The following MED26 variants were observed in gnomAD, a reference collection of about 807,000 sequenced individuals.
MED26 encodes the protein mediator complex subunit 26.
In MED26, 7 loss-of-function variants were observed where a neutral mutation model predicts 43.7. The observed-to-expected ratio is 0.16, with a 90% CI of 0.09 to 0.30. MED26 has a LOEUF of 0.30. Among genes scored for constraint, MED26 ranks in the 10% least tolerant of loss-of-function variants. The pLI, the probability that MED26 is intolerant of heterozygous loss-of-function variation, is 1.00. For missense variants in MED26, 784 were observed against 840.6 expected, an observed-to-expected ratio of 0.93 and a Z score of 0.83; for synonymous variants, 375 against 371.1, an observed-to-expected ratio of 1.01 and a Z score of -0.12.
chr19:16,584,301 C>T (rs73928620), intron 1 of MED26, among the ~76,000 whole-genome samples: 29 of 141,280 alleles, frequency 2.1e-4, no homozygotes, highest in South Asian at 4.4e-4. Flanking sequence ...ACTGCCCCCC[C>T]CCGCCCCGCC....
intron 1 of MED26, among the ~76,000 whole-genome samples, chr19:16,610,010 C>A (rs1250119762): frequency 6.6e-6 from 1 of 150,782 alleles, no homozygotes; most frequent in African/African-American, 2.4e-5. Flanking sequence ...GGTGTGGTCG[C>A]TCACACATGT....
intron 1 of MED26, among the ~76,000 whole-genome samples, chr19:16,601,099 A>T (rs974032674): frequency 2.6e-5 from 4 of 151,830 alleles, no homozygotes; most frequent in African/African-American, 9.7e-5. Context: ...GAGGTCAGCT[A>T]ATCTACCTGA....
At chr19:16,583,250 G>C (rs1438607462) in intron 1 of MED26, among the ~76,000 whole-genome samples, 1 of 152,196 alleles carries the variant, frequency 6.6e-6, no homozygotes, top group Non-Finnish European at 1.5e-5. Context: ...TTTGTTCCCA[G>C]TCCAAAAAAA....
rs190046438 is a variant in MED26, at chr19:16,590,401, G to A, written c.73-11992C>T. Among the ~76,000 whole-genome samples, 148 of 152,292 alleles carry A rather than the reference G, an allele frequency of 9.7e-4. 1 individual carries two copies. The Middle Eastern group carries it at 0.014, about 14-fold the overall frequency. Reference sequence around the variant, plus strand: ...TCCACTGTGACACAGGACACTTTAGGATGAGGCAAATCTGCACATCTATAC... The same window carrying A: ...TCCACTGTGACACAGGACACTTTAGAATGAGGCAAATCTGCACATCTATAC... On this transcript the variant is annotated intron_variant, in intron 1 of 2. Transcript: ENST00000263390.
intron 1 of MED26, among the ~76,000 whole-genome samples, chr19:16,626,989 T>C (rs536778806): frequency 7.9e-4 from 98 of 123,354 alleles, no homozygotes; most frequent in Non-Finnish European, 1.2e-3. Flanking sequence ...CCGCAAACAG[T>C]AGCCTCAGCA....
chr19:16,580,513 C>T (rs1330820260), intron 1 of MED26, among the ~76,000 whole-genome samples: 2 of 152,096 alleles, frequency 1.3e-5, no homozygotes, highest in African/African-American at 2.4e-5. Context: ...AGATTATAGG[C>T]ACCCGCCACC....
intron 1 of MED26, among the ~76,000 whole-genome samples, chr19:16,589,674 G>C (rs2086087246): frequency 6.6e-6 from 1 of 152,192 alleles, no homozygotes. Flanking sequence ...TAACCTGGGT[G>C]GACTGGGGTT....
rs755388652 is a variant in MED26 at position 16,577,187 on chromosome 19, C to T, written c.643G>A (p.Asp215Asn). The T allele has an allele frequency of 7.4e-6, 12 of 1,613,246 alleles. No individual in the cohort carries two copies. The highest frequency in any genetic ancestry group is 8.5e-7 in the Non-Finnish European group (1 of 1,179,948). ...ACGGGGATCTTGCCACTGTGCTTGT[C>T]ATTCTCGTCACGCTCCAGGCGGCTG... Reference protein sequence around the residue: ...EGSRLERDENDKHSGKIPVNA... With the variant: ...EGSRLERDENNKHSGKIPVNA... Residue 215 changes from aspartate to asparagine, a missense_variant, in exon 3 of 3, where the codon GAC (aspartate) becomes AAC (asparagine). Transcript: ENST00000263390. The surrounding 1 kb of genome is among the most constrained non-coding windows in gnomAD (Gnocchi z 8.1).
intron 1 of MED26, among the ~76,000 whole-genome samples, chr19:16,594,098 C>A (rs1459168954): frequency 6.6e-6 from 1 of 152,246 alleles, no homozygotes; most frequent in Admixed American, 6.5e-5. Context: ...TTAAACCTAA[C>A]AATCCACTGT....
At chr19:16,590,075 G>A (rs1202194866) in intron 1 of MED26, among the ~76,000 whole-genome samples, 2 of 152,228 alleles carry the variant, frequency 1.3e-5, no homozygotes, top group African/African-American at 4.8e-5. Flanking sequence ...GAGGACAAGG[G>A]CACTCTGAAG....
In MED26 at chr19:16,576,989, C is replaced by G. The variant is rs760585819; in HGVS notation, c.841G>C (p.Glu281Gln). Residue 281 changes from glutamate to glutamine, a missense_variant, in exon 3 of 3, where the codon GAG becomes CAG. By Grantham distance (29) the Glu-to-Gln change is conservative. Coordinates refer to ENST00000263390, the MANE Select transcript of MED26 (RefSeq NM_004831.5). The surrounding 1 kb of genome is among the most constrained non-coding windows in gnomAD (Gnocchi z 6.8). ...CSFSPRNSRH[E>Q]GSFARQQSLY... ...CTCTGCTGCCGGGCAAAGGAGCCCT[C>G]ATGCCGTGAGTTCCGAGGACTGAAA... is the stretch of plus-strand genomic sequence containing the variant. 3 of 1,606,024 alleles carry G rather than the reference C, an allele frequency of 1.9e-6. No individual in the cohort carries two copies. The African/African-American group carries it at 4.0e-5, about 21-fold the overall frequency.
rs532476100 is a variant in MED26, at chr19:16,607,948, C to A, written c.72+19924G>T. ...CAATGGGAAACTACGATCACGAGAA[C>A]TGTCCCAGCAGCCAGCTGCAAAGGC... is the stretch of plus-strand genomic sequence containing the variant. On this transcript the variant is annotated intron_variant, in intron 1 of 2. Coordinates refer to ENST00000263390, the MANE Select transcript of MED26 (RefSeq NM_004831.5). 6.6e-5 allele frequency among the ~76,000 whole-genome samples: 10 copies of A among 152,382 alleles called. No individual in the cohort carries two copies. The South Asian group carries it at 8.3e-4, about 13-fold the overall frequency.
Position 16,576,848 on chromosome 19 carries a change from G to A in MED26, c.982C>T (p.Arg328Trp), listed in dbSNP as rs1363068622. 6.2e-7 allele frequency: 1 copy of A among 1,610,764 alleles called. No homozygotes were observed. The highest frequency in any genetic ancestry group is 8.5e-7 in the Non-Finnish European group (1 of 1,178,892). Residue 328 changes from arginine to tryptophan, a missense_variant, in exon 3 of 3, where the codon CGG becomes TGG. By Grantham distance (101) the Arg-to-Trp change is moderately radical (BLOSUM62 -3). Transcript: ENST00000263390. This position sits in a 1 kb window ranked among gnomAD's most constrained non-coding sequence, Gnocchi z 6.8. ...LAQPSTPPVR[R>W]LELLPSAESP... ...TCCGCACTGGGCAGCAGCTCGAGCCGCCGTACGGGGGGTGTGGACGGCTGT... is the reference window on the plus strand; with the variant it reads ...TCCGCACTGGGCAGCAGCTCGAGCCACCGTACGGGGGGTGTGGACGGCTGT...
chr19:16,625,793 A>C (rs779658008), intron 1 of MED26, among the ~76,000 whole-genome samples: 16 of 152,296 alleles, frequency 1.1e-4, no homozygotes, highest in Non-Finnish European at 2.2e-4. Flanking sequence ...GTTTGCTCAA[A>C]GCAAACGGTC....
rs998204774 is a variant in MED26 at position 16,575,843 on chromosome 19, C to CA, written c.*183dup. The CA allele has an allele frequency of 8.3e-6, 5 of 602,898 alleles. No homozygotes were observed. The highest frequency in any genetic ancestry group is 2.8e-5 in the East Asian group (1 of 36,034). 37.3% of individuals were successfully genotyped at this position (602,898 alleles called of 1,614,324 possible). On this transcript the variant is annotated 3_prime_UTR_variant, in exon 3 of 3. Coordinates refer to ENST00000263390, the MANE Select transcript of MED26 (RefSeq NM_004831.5). ...TTAGTAAACTGGTAGCAGCATTTCA[C>CA]AAAAAGAGTTTTGAGGGAAGAGCGC...
intron 1 of MED26, among the ~76,000 whole-genome samples, chr19:16,624,108 A>G (rs1441136953): frequency 1.3e-5 from 2 of 150,652 alleles, no homozygotes; most frequent in East Asian, 3.9e-4. Flanking sequence ...TTGCAAAGAT[A>G]TATTAAAAAA....
intron 1 of MED26, chr19:16,589,134 G>A (rs114758003): frequency 0.012 from 1,802 of 152,398 alleles, 18 homozygotes; most frequent in Non-Finnish European, 0.019. Context: ...CAGCTCCTGG[G>A]CTCTGTGTGG....
rs1404492442 is a variant in MED26, at chr19:16,606,126, G to GGGCCCACGGCAGCA, written c.72+21732_72+21745dup. The stretch of plus-strand genomic sequence containing the variant: ...CGGGTCATCTGGAATCCACACGCCT[G>GGGCCCACGGCAGCA]GGCCCACGGCAGCAGGTGAGGTCAG... On this transcript the variant is annotated intron_variant, in intron 1 of 2. Transcript: ENST00000263390. Among the ~76,000 whole-genome samples the GGGCCCACGGCAGCA allele has an allele frequency of 3.3e-5, 5 of 152,198 alleles. No homozygotes were observed. The East Asian group carries it at 9.6e-4, about 29-fold the overall frequency.
chr19:16,624,330 T>G (rs946907405), intron 1 of MED26: 1 of 152,188 alleles, frequency 6.6e-6, no homozygotes. Context: ...CTCTGCAGAG[T>G]GCCTCGGTCA....
Sources: allele counts gnomAD v4.1 joint callset (sites outside exome capture counted in the v4.1 genomes callset), GRCh38; gene constraint gnomAD v4.1.1; non-coding constraint Gnocchi (gnomAD v3.1); transcripts MANE v1.5; gene names NCBI Gene and HGNC (gene_info 2026-07-23, HGNC 2026-07-21).